Variants in OLFM1 observed in about 807,000 individuals in gnomAD.
OLFM1 encodes olfactomedin 1.
In OLFM1, 9 loss-of-function variants were observed where a neutral mutation model predicts 49.7. The observed-to-expected ratio is 0.18, with a 90% confidence interval of 0.11 to 0.32. The LOEUF is 0.32. Among genes scored for constraint, OLFM1 ranks in the 10% least tolerant of loss-of-function variants. The pLI is 1.00. For missense variants in OLFM1, 369 were observed against 661.8 expected, an observed-to-expected ratio of 0.56 and a Z score of 4.85; for synonymous variants, 240 against 271.8, an observed-to-expected ratio of 0.88 and a Z score of 1.15.
intron 4 of OLFM1, among the ~76,000 whole-genome samples, chr9:135,102,566 C>A (rs531957686): frequency 6.6e-6 from 1 of 152,176 alleles, no homozygotes; most frequent in Admixed American, 6.5e-5. Flanking sequence ...TCCTGCCATG[C>A]GAGGAAGAGG....
At chr9:135,077,501 G>T (rs1039826279) in intron 1 of OLFM1, 1 of 365,280 alleles carries the variant, frequency 2.7e-6, no homozygotes, top group East Asian at 4.4e-5. Flanking sequence ...CCATCCACAC[G>T]AAGGGTGCTG....
In OLFM1 at chr9:135,119,807, G is replaced by A. The variant is rs747944799; in HGVS notation, c.1087G>A (p.Gly363Arg). Residue 363 changes from glycine (G) to arginine (R), a missense_variant, in exon 6 of 6, where the codon GGG becomes AGG. By Grantham distance (125) the Gly-to-Arg change is moderately radical. Around this residue, in one of 3 missense-constraint regions of OLFM1, gnomAD observed 294 missense variants for 567.5 expected, o/e 0.52. Transcript: ENST00000371793. Reference sequence around the variant, plus strand: ...CATCGACCTCATGGTGGACGAGAGCGGGCTGTGGGCCGTGTACGCCACCAA... The same window carrying A: ...CATCGACCTCATGGTGGACGAGAGCAGGCTGTGGGCCGTGTACGCCACCAA... ...SDIDLMVDES[G>R]LWAVYATNQN... 1.2e-6 allele frequency: 2 copies of A among 1,613,866 alleles called. No homozygotes were observed. The highest frequency in any genetic ancestry group is 1.6e-4 in the Middle Eastern group (1 of 6,062).
At chr9:135,110,751 T>TC (rs1312380819) in intron 5 of OLFM1, among the ~76,000 whole-genome samples, 2 of 151,824 alleles carry the variant, frequency 1.3e-5, no homozygotes, top group African/African-American at 2.4e-5. Flanking sequence ...ACTGCCAGCA[T>TC]CCCCCCCACC....
At chr9:135,115,446 A>T (rs1831084287) in intron 5 of OLFM1, among the ~76,000 whole-genome samples, 1 of 152,240 alleles carries the variant, frequency 6.6e-6, no homozygotes, top group African/African-American at 2.4e-5. Flanking sequence ...CAGAAAGGAT[A>T]AGTGGACGGA....
chr9:135,103,989 A>T (rs772318098), intron 4 of OLFM1, among the ~76,000 whole-genome samples: 7 of 152,186 alleles, frequency 4.6e-5, no homozygotes, highest in Non-Finnish European at 8.8e-5. Flanking sequence ...CTGAGCAATG[A>T]GTCATTCGTT....
intron 5 of OLFM1, among the ~76,000 whole-genome samples, chr9:135,107,434 T>C (rs561177113): frequency 5.3e-5 from 8 of 152,340 alleles, no homozygotes; most frequent in Admixed American, 3.3e-4. Flanking sequence ...TATTTGCCTT[T>C]ATCTGGGGGG....
intron 5 of OLFM1, among the ~76,000 whole-genome samples, chr9:135,118,502 T>C (rs1416916894): frequency 1.3e-5 from 2 of 149,084 alleles, no homozygotes; most frequent in African/African-American, 5.0e-5. Context: ...GTCTTTGGAG[T>C]GCTCGCTGGG....
At chr9:135,081,964 C>T (rs1383765960) in intron 1 of OLFM1, among the ~76,000 whole-genome samples, 1 of 152,204 alleles carries the variant, frequency 6.6e-6, no homozygotes, top group Non-Finnish European at 1.5e-5. Context: ...TTCGAACTGA[C>T]CCGTCCTCGT....
At position 135,090,250 on chromosome 9, in the gene OLFM1, G is replaced by A; in HGVS notation, c.206G>A (p.Ser69Asn). ...SWQVYSSAQD[S>N]EGRCICTVVA... ...CAGGTGTACAGCTCTGCCCAGGACA[G>A]CGAGGGCAGGTGTATCTGCACAGTG... is the stretch of plus-strand genomic sequence containing the variant. The change falls in exon 2 of 6, where the codon AGC becomes AAC. Residue 69 changes from serine (S) to asparagine (N), a missense_variant. By Grantham distance (46) the Ser-to-Asn change is conservative (BLOSUM62 1). Transcript: ENST00000371793. 1.2e-6 allele frequency: 2 copies of A among 1,614,040 alleles called. No homozygotes were observed. The highest frequency in any genetic ancestry group is 8.5e-7 in the Non-Finnish European group (1 of 1,180,018).
At chr9:135,082,668 C>T (rs1414692270), upstream of OLFM1, among the ~76,000 whole-genome samples, 2 of 152,208 alleles carry the variant, frequency 1.3e-5, no homozygotes, top group African/African-American at 4.8e-5. Flanking sequence ...GGCCACTCAG[C>T]CTCAGCATCT....
At chr9:135,093,156 T>C (rs533966074) in intron 2 of OLFM1, among the ~76,000 whole-genome samples, 2 of 152,294 alleles carry the variant, frequency 1.3e-5, no homozygotes, top group East Asian at 3.9e-4. Context: ...GTCTCTGATT[T>C]CTGTTGCCCT....
At chr9:135,084,498 TTCTC>T (rs10586568), upstream of OLFM1, among the ~76,000 whole-genome samples, 58,503 of 148,410 alleles carry the variant, frequency 0.39, 12,776 homozygotes, top group Non-Finnish European at 0.49. This position sits in a 1 kb window ranked among gnomAD's most constrained non-coding sequence, Gnocchi z 4.6. Context: ...TTCTCCTCTC[TTCTC>T]TCTCCTCTCT....
chr9:135,084,488 T>C (rs112373659), upstream of OLFM1, among the ~76,000 whole-genome samples: 2 of 120,950 alleles, frequency 1.7e-5, no homozygotes, highest in Admixed American at 8.0e-5. This position sits in a 1 kb window ranked among gnomAD's most constrained non-coding sequence, Gnocchi z 4.6. Context: ...CTCTCTCTGT[T>C]TCTCCTCTCT....
upstream of OLFM1, among the ~76,000 whole-genome samples, chr9:135,086,207 G>T (rs370198298): frequency 1.3e-5 from 2 of 152,176 alleles, no homozygotes; most frequent in African/African-American, 4.8e-5. Flanking sequence ...TCTGTGAGCC[G>T]GGCCTGCAGT....
chr9:135,103,882 GAGA>G (rs1830903187), intron 4 of OLFM1, among the ~76,000 whole-genome samples: 1 of 152,168 alleles, frequency 6.6e-6, no homozygotes. Context: ...CCCATCTATA[GAGA>G]AGGAGAGGGA....
Position 135,075,665 on chromosome 9 carries a change from G to A in OLFM1, c.-42G>A, listed in dbSNP as rs181590382. On this transcript the variant is annotated 5_prime_UTR_variant, in exon 1 of 6. Transcript: ENST00000252854. ...CCGGGGCCAGAGCCGGAGCGCGTCC[G>A]CGTCCACGCAGCCGCCGGCCGGCCA... The A allele has an allele frequency of 1.5e-3, 2,189 of 1,452,652 alleles. 25 individuals carry two copies. The African/African-American group carries it at 0.029, about 19-fold the overall frequency. 90.0% of individuals were successfully genotyped at this position (1,452,652 alleles called of 1,614,324 possible).
intron 4 of OLFM1, among the ~76,000 whole-genome samples, chr9:135,103,321 G>A (rs1344057218): frequency 6.6e-6 from 1 of 152,182 alleles, no homozygotes; most frequent in Non-Finnish European, 1.5e-5. Context: ...GATCCTGTCA[G>A]TTCCTGAGGT....
At chr9:135,075,854 C>G (rs992131228) in intron 1 of OLFM1, 2 of 1,530,900 alleles carry the variant, frequency 1.3e-6, no homozygotes, top group Non-Finnish European at 1.8e-6. Flanking sequence ...GGCCCGGCCC[C>G]TCGGGAGCCC....
At chr9:135,077,934 G>A (rs570448921) in intron 1 of OLFM1, among the ~76,000 whole-genome samples, 6 of 152,308 alleles carry the variant, frequency 3.9e-5, no homozygotes, top group African/African-American at 1.2e-4. Context: ...ACCAGCACCC[G>A]AGAGCCTGGC....
Sources: allele counts gnomAD v4.1 joint callset (sites outside exome capture counted in the v4.1 genomes callset), GRCh38; gene constraint gnomAD v4.1.1; regional missense constraint gnomAD v4.1.1; non-coding constraint Gnocchi (gnomAD v3.1); transcripts MANE v1.5; gene names NCBI Gene and HGNC (gene_info 2026-07-23, HGNC 2026-07-21).